The following TLE1 variants were observed in gnomAD, a reference collection of about 807,000 sequenced individuals.
TLE1 encodes transducin-like enhancer protein 1.
TLE1 carries 21 observed loss-of-function variants against 89.8 expected under a neutral mutation model. That is an observed-to-expected ratio of 0.23 (90% confidence interval 0.17 to 0.34). The LOEUF (loss-of-function observed/expected upper bound fraction) is 0.34. Ranked by LOEUF, TLE1 falls within the 10% of genes least tolerant of loss-of-function variation. The pLI is 1.00. For missense variants in TLE1, 795 were observed against 1,031.2 expected (o/e 0.77, Z 3.14); for synonymous variants, 447 against 407.6 (o/e 1.10, Z -1.16).
chr9:81,682,706 CA>C (rs1275053165), intron 4 of TLE1, among the ~76,000 whole-genome samples: 1 of 152,142 alleles, frequency 6.6e-6, no homozygotes, highest in Non-Finnish European at 1.5e-5. Flanking sequence ...TTTTTTAATG[CA>C]CCCTAACACT....
Position 81,584,214 on chromosome 9 carries a change from T to G in TLE1, c.2297A>C (p.Tyr766Ser), listed in dbSNP as rs969679445. The G allele has an allele frequency of 1.2e-6, 2 of 1,614,082 alleles. No homozygotes were observed. The highest frequency in any genetic ancestry group is 1.7e-6 in the Non-Finnish European group (2 of 1,179,898). ...TGSGDKKATV[Y>S]EVIY is the part of the protein sequence containing the mutation. ...ATAATGTTTTCAGTAGATGACTTCA[T>G]AGACTGTAGCCTTCTTGTCCCCCGA... Residue 766 changes from tyrosine (Y) to serine (S), a missense_variant, in exon 20 of 20, where the codon TAT (tyrosine) becomes TCT (serine). Around this residue, in one of 4 missense-constraint regions of TLE1, gnomAD observed 214 missense variants for 354.9 expected, o/e 0.60. Transcript: ENST00000376499.
At chr9:81,654,175 A>C in intron 4 of TLE1, 139 bp from the exon 5 acceptor site, 1 of 685,076 alleles carries the variant, frequency 1.5e-6, no homozygotes. Context: ...AGGTTATGTT[A>C]CTAATACTTA....
chr9:81,614,809 T>C (rs1730026108), intron 11 of TLE1, among the ~76,000 whole-genome samples: 1 of 151,994 alleles, frequency 6.6e-6, no homozygotes, highest in Non-Finnish European at 1.5e-5. Context: ...ACGAGCTCCA[T>C]AATATCGGGG....
In TLE1 at chr9:81,687,128, G is replaced by T. The variant is rs559076740; in HGVS notation, c.125+206C>A. 1.8e-4 allele frequency among the ~76,000 whole-genome samples: 27 copies of T among 152,324 alleles called. No individual in the cohort carries two copies. The South Asian group carries it at 5.6e-3, about 32-fold the overall frequency. On this transcript the variant is annotated intron_variant, in intron 2 of 19. Transcript: ENST00000376499. ...TGGAACAGTGCAAACCGGCAAAAGG[G>T]AAACAATGGGAGGAGGAGGAGACAA...
At chr9:81,686,882 A>T (rs1033591668) in intron 2 of TLE1, among the ~76,000 whole-genome samples, 1 of 152,194 alleles carries the variant, frequency 6.6e-6, no homozygotes, top group African/African-American at 2.4e-5. Context: ...GGGCAATGTT[A>T]TAAGCATCTA....
At chr9:81,596,604 G>A (rs985592478) in intron 14 of TLE1, among the ~76,000 whole-genome samples, 1 of 152,166 alleles carries the variant, frequency 6.6e-6, no homozygotes, top group Non-Finnish European at 1.5e-5. Flanking sequence ...CAATCAGAAA[G>A]AGGAATGTAT....
intron 11 of TLE1, among the ~76,000 whole-genome samples, chr9:81,613,877 C>T (rs560888261): frequency 1.3e-5 from 2 of 151,756 alleles, no homozygotes; most frequent in East Asian, 3.9e-4. Context: ...GTCCTGGCCG[C>T]CAAGTCCAAG....
chr9:81,614,580 G>A (rs1241898333), intron 11 of TLE1, among the ~76,000 whole-genome samples: 3 of 152,190 alleles, frequency 2.0e-5, no homozygotes, highest in Non-Finnish European at 4.4e-5. Context: ...ATGAGCCACG[G>A]CTGTGTAGCC....
chr9:81,661,765 C>A (rs150783307), intron 4 of TLE1, among the ~76,000 whole-genome samples: 1 of 151,550 alleles, frequency 6.6e-6, no homozygotes, highest in Admixed American at 6.6e-5. Flanking sequence ...ATCCCCCCCC[C>A]AAAAAAAATG....
chr9:81,668,912 C>A (rs1831851047), intron 4 of TLE1, among the ~76,000 whole-genome samples: 1 of 152,154 alleles, frequency 6.6e-6, no homozygotes, highest in Non-Finnish European at 1.5e-5. Context: ...TACAAGTGGA[C>A]AAATCAATTT....
At chr9:81,632,274 A>G (rs1826736369) in intron 8 of TLE1, among the ~76,000 whole-genome samples, 1 of 152,156 alleles carries the variant, frequency 6.6e-6, no homozygotes, top group African/African-American at 2.4e-5. Context: ...CAAGAATTTT[A>G]AAACTAGCTA....
chr9:81,595,946 G>A (rs1306930372), intron 14 of TLE1, among the ~76,000 whole-genome samples: 1 of 152,118 alleles, frequency 6.6e-6, no homozygotes, highest in South Asian at 2.1e-4. Flanking sequence ...ACACATGTGA[G>A]GATTAGTTTT....
chr9:81,620,604 G>C, intron 8 of TLE1, 47 bp from the exon 9 acceptor site: 1 of 1,589,572 alleles, frequency 6.3e-7, no homozygotes, highest in Non-Finnish European at 8.6e-7. Flanking sequence ...AAGCCTCTTT[G>C]TACACATGAA....
intron 4 of TLE1, among the ~76,000 whole-genome samples, chr9:81,671,732 T>A (rs2132952714): frequency 6.6e-6 from 1 of 152,318 alleles, no homozygotes; most frequent in East Asian, 1.9e-4. Context: ...ATACTTCCAT[T>A]TAATTCATAA....
chr9:81,649,764 T>C (rs565566274), intron 6 of TLE1, among the ~76,000 whole-genome samples: 74 of 152,210 alleles, frequency 4.9e-4, no homozygotes, highest in African/African-American at 1.7e-3. Context: ...TCCTCCCCTC[T>C]GGGGAGACAG....
At chr9:81,682,915 G>T (rs1307181996) in intron 4 of TLE1, among the ~76,000 whole-genome samples, 2 of 152,152 alleles carry the variant, frequency 1.3e-5, no homozygotes, top group Admixed American at 6.5e-5. Flanking sequence ...TGCCTTTTCG[G>T]TAACCCGCCA....
chr9:81,584,469 G>T lies in TLE1; in HGVS notation c.2184C>A (p.Pro728=). ...TCACCTGGAATATGCTGGCTCCATA[G>T]GGGGTCCGCCAAGCATTGAGGAGGT... ...KDNLLNAWRT[P]YGASIFQSKE... is the part of the protein sequence containing the mutation. The change falls in exon 19 of 20, where the codon CCC becomes CCA. Residue 728 remains proline, a synonymous_variant. Coordinates refer to ENST00000376499, the MANE Select transcript of TLE1 (RefSeq NM_005077.5). The T allele has an allele frequency of 6.2e-7, 1 of 1,614,174 alleles. No homozygotes were observed. Among genetic ancestry groups the T allele is most frequent in the South Asian group, 1.1e-5 (1 of 91,074 alleles).
intron 16 of TLE1, among the ~76,000 whole-genome samples, chr9:81,588,699 C>T (rs1054742541): frequency 6.6e-6 from 1 of 152,142 alleles, no homozygotes; most frequent in African/African-American, 2.4e-5. Flanking sequence ...GGGACGGTGA[C>T]TGGTGGACTC....
intron 8 of TLE1, among the ~76,000 whole-genome samples, chr9:81,631,822 A>C (rs1034941990): frequency 2.4e-4 from 37 of 152,166 alleles, no homozygotes; most frequent in African/African-American, 8.0e-4. Flanking sequence ...TGACTATCTC[A>C]CCGGGCATGG....
Sources: gnomAD v4.1 joint callset for allele counts (sites outside exome capture counted in the v4.1 genomes callset) on GRCh38, gnomAD v4.1.1 for gene constraint, gnomAD v4.1.1 regional missense constraint, MANE v1.5 for transcripts, NCBI Gene and HGNC (gene_info 2026-07-23, HGNC 2026-07-21) for gene names.